The following SMG5 variants were observed in gnomAD, a reference collection of about 807,000 sequenced individuals.
SMG5 encodes nonsense-mediated mRNA decay factor SMG5.
In SMG5, 53 loss-of-function variants were observed where a neutral mutation model predicts 122.9. That is an observed-to-expected ratio of 0.43 (90% CI 0.35 to 0.54). The LOEUF is 0.54. SMG5 is among the 20% of genes least tolerant of loss of function. The pLI, the probability that SMG5 is intolerant of heterozygous loss-of-function variation, is 0.01. For synonymous variants in SMG5, 477 were observed against 490.2 expected, an observed-to-expected ratio of 0.97 and a Z score of 0.35; for missense variants, 1,153 against 1,285.6, an observed-to-expected ratio of 0.90 and a Z score of 1.58.
At chr1:156,272,629 G>A (rs1405611562) in intron 6 of SMG5, among the ~76,000 whole-genome samples, 6 of 151,904 alleles carry the variant, frequency 3.9e-5, no homozygotes, top group Non-Finnish European at 8.8e-5. Context: ...CTGGAGTGCA[G>A]TGGTGTGATC....
At chr1:156,285,988 G>C, upstream of SMG5, 1 of 1,595,336 alleles carries the variant, frequency 6.3e-7, no homozygotes, top group Non-Finnish European at 8.5e-7. Flanking sequence ...TGCTGGGTGA[G>C]CCTGTGAGAA....
chr1:156,259,552 C>T (rs1661723778), intron 15 of SMG5, among the ~76,000 whole-genome samples: 1 of 152,052 alleles, frequency 6.6e-6, no homozygotes, highest in Admixed American at 6.5e-5. Context: ...TTTTTTGAGA[C>T]AGAATCTCGC....
At chr1:156,275,857 C>T (rs193178106) in intron 4 of SMG5, among the ~76,000 whole-genome samples, 3 of 151,460 alleles carry the variant, frequency 2.0e-5, no homozygotes, top group East Asian at 1.9e-4. Context: ...TGTATTGCCC[C>T]GGCTGGAGTT....
At chr1:156,261,922 C>A (rs1054964039) in intron 13 of SMG5, among the ~76,000 whole-genome samples, 11 of 146,458 alleles carry the variant, frequency 7.5e-5, no homozygotes, top group Admixed American at 1.4e-4. Flanking sequence ...AATAGCCAGG[C>A]GTGGTGGCAT....
intron 7 of SMG5, 36 bp downstream of exon 7, chr1:156,272,284 A>G (rs1413074803): frequency 1.3e-6 from 2 of 1,556,788 alleles, no homozygotes; most frequent in South Asian, 1.2e-5. Context: ...TATGCACACA[A>G]AAGCAGGGCT....
chr1:156,249,903 G>T lies in SMG5; in HGVS notation c.*684C>A. On this transcript the variant is annotated 3_prime_UTR_variant, in exon 22 of 22. Coordinates refer to ENST00000361813, the MANE Select transcript of SMG5 (RefSeq NM_015327.3). Reference sequence around the variant, plus strand: ...GTGGGGCCTGCTCCCTGCCCTGGAAGCTAGACAGAGGGAGACACAAAGCAG... The same window carrying T: ...GTGGGGCCTGCTCCCTGCCCTGGAATCTAGACAGAGGGAGACACAAAGCAG... 2.1e-6 allele frequency: 1 copy of T among 471,246 alleles called. No homozygotes were observed. The highest frequency in any genetic ancestry group is 1.5e-5 in the South Asian group (1 of 64,574). The allele number at this position is 471,246 out of a possible 1,614,324, so 29.2% of individuals were successfully genotyped here. A position where few individuals can be genotyped will look rare whatever the true frequency, so the allele number is the denominator to read the frequency against.
Position 156,266,689 on chromosome 1 carries a change from G to T in SMG5, c.1118-11C>A, listed in dbSNP as rs905208232. 1 of 1,613,954 alleles carries T rather than the reference G, an allele frequency of 6.2e-7. No homozygotes were observed. Among genetic ancestry groups the T allele is most frequent in the Non-Finnish European group, 8.5e-7 (1 of 1,179,984 alleles). Reference sequence around the variant, plus strand: ...TGTACTGCTTGGATCCTGAAGTCAGGAAAGCCAGGCATTAGGGGCCTAGGG... The same window carrying T: ...TGTACTGCTTGGATCCTGAAGTCAGTAAAGCCAGGCATTAGGGGCCTAGGG... On this transcript the variant is annotated splice_polypyrimidine_tract_variant and intron_variant, in intron 10 of 21. Transcript: ENST00000361813.
intron 4 of SMG5, among the ~76,000 whole-genome samples, chr1:156,276,822 A>G (rs1186781357): frequency 6.6e-6 from 1 of 152,204 alleles, no homozygotes; most frequent in African/African-American, 2.4e-5. Flanking sequence ...TATTAATACC[A>G]CCTTCCAGTG....
upstream of SMG5, chr1:156,284,347 C>G (rs1487081148): frequency 1.3e-5 from 2 of 152,320 alleles, no homozygotes; most frequent in African/African-American, 4.8e-5. Context: ...GGTAGCTGGG[C>G]AGCTCCTTCC....
At position 156,282,631 on chromosome 1, in the gene SMG5, A is replaced by T; in HGVS notation, c.50T>A (p.Val17Asp). The change falls in exon 1 of 22, where the codon GTC becomes GAC. Residue 17 changes from valine to aspartate, a missense_variant. Around this residue, in one of 5 missense-constraint regions of SMG5, gnomAD observed 213 missense variants for 197.5 expected, o/e 1.08. Coordinates refer to ENST00000361813, the MANE Select transcript of SMG5 (RefSeq NM_015327.3). ...TGESSEPEAK[V>D]LHTKRLYRAV... ...CCGGTAAAGCCGCTTAGTGTGGAGG[A>T]CTTTTGCTTCGGGCTCGCTGCTCTC... is the stretch of plus-strand genomic sequence containing the variant. 1 of 1,608,764 alleles carries T rather than the reference A, an allele frequency of 6.2e-7. No homozygotes were observed.
intron 20 of SMG5, 93 bp from the exon 21 acceptor site, chr1:156,251,089 G>A (rs1661326307): frequency 1.3e-6 from 2 of 1,516,986 alleles, no homozygotes; most frequent in African/African-American, 1.4e-5. Flanking sequence ...GCAGCTGGGG[G>A]CTGGGAGGGC....
rs1451925513 is a variant in SMG5, at chr1:156,252,902, C to T, written c.2662+17G>A. The T allele has an allele frequency of 3.8e-6, 6 of 1,560,148 alleles. No homozygotes were observed. Among genetic ancestry groups the T allele is most frequent in the East Asian group, 4.5e-5 (2 of 44,096 alleles). On this transcript the variant is annotated intron_variant, in intron 18 of 21. Coordinates refer to ENST00000361813, the MANE Select transcript of SMG5 (RefSeq NM_015327.3). ...TTTTAGTCATACTCTGTCTCCTTAC[C>T]TCTCCAATGTACTTACCTGTCCTTG...
chr1:156,250,878 C>T lies in SMG5; in HGVS notation c.2947G>A (p.Val983Met), dbSNP rs755380356. 20 of 1,613,820 alleles carry T rather than the reference C, an allele frequency of 1.2e-5. No homozygotes were observed. The highest frequency in any genetic ancestry group is 1.4e-5 in the Non-Finnish European group (17 of 1,179,890). The change falls in exon 21 of 22, where the codon GTG becomes ATG. Residue 983 changes from valine (V) to methionine (M), a missense_variant. This residue lies in a region of SMG5 where 84 missense variants were observed against 82.3 expected (regional missense o/e 1.02). Coordinates refer to ENST00000361813, the MANE Select transcript of SMG5 (RefSeq NM_015327.3). ...ITGLPLDNPSVLSGPMQAALQ... is the reference protein window; with the variant it reads ...ITGLPLDNPSMLSGPMQAALQ... ...CCCACCTGCATGGGGCCTGAAAGCACGCTGGGGTTGTCCAGTGGAAGGCCT... is the reference window on the plus strand; with the variant it reads ...CCCACCTGCATGGGGCCTGAAAGCATGCTGGGGTTGTCCAGTGGAAGGCCT...
At chr1:156,276,210 T>G (rs1483768793) in intron 4 of SMG5, among the ~76,000 whole-genome samples, 1 of 145,844 alleles carries the variant, frequency 6.9e-6, no homozygotes, top group Non-Finnish European at 1.5e-5. Flanking sequence ...CACTGCAACC[T>G]CCACCTGCCG....
intron 16 of SMG5, among the ~76,000 whole-genome samples, chr1:156,258,347 C>A (rs1347778660): frequency 1.3e-5 from 2 of 152,244 alleles, no homozygotes; most frequent in African/African-American, 4.8e-5. Flanking sequence ...TCAAAAAACT[C>A]CATAAAGTGG....
intron 1 of SMG5, among the ~76,000 whole-genome samples, chr1:156,280,862 CG>C (rs1662905702): frequency 6.6e-6 from 1 of 152,158 alleles, no homozygotes; most frequent in Non-Finnish European, 1.5e-5. Flanking sequence ...ATTGTACTCT[CG>C]GGCCTAGCAA....
chr1:156,265,882 G>C lies in SMG5; in HGVS notation c.1754C>G (p.Pro585Arg). ...FQTKRCFRLA[P>R]TFSNLLLQPT... ...CTGGAGGAGCAGGTTGCTAAAGGTGGGGGCCAGTCGGAAGCAGCGCTTAGT... is the reference window on the plus strand; with the variant it reads ...CTGGAGGAGCAGGTTGCTAAAGGTGCGGGCCAGTCGGAAGCAGCGCTTAGT... The change falls in exon 12 of 22, where the codon CCC becomes CGC. Residue 585 changes from proline (P) to arginine (R), a missense_variant. By Grantham distance (103) the Pro-to-Arg change is moderately radical (BLOSUM62 -2). Coordinates refer to ENST00000361813, the MANE Select transcript of SMG5 (RefSeq NM_015327.3). 1 of 1,614,194 alleles carries C rather than the reference G, an allele frequency of 6.2e-7. No individual in the cohort carries two copies. The highest frequency in any genetic ancestry group is 8.5e-7 in the Non-Finnish European group (1 of 1,180,028).
chr1:156,250,844 C>T lies in SMG5; in HGVS notation c.2967+14G>A, dbSNP rs758572349. On this transcript the variant is annotated intron_variant, in intron 21 of 21. Coordinates refer to ENST00000361813, the MANE Select transcript of SMG5 (RefSeq NM_015327.3). ...CCTATTCCACACCATCCCCCCACCT[C>T]ACCCATGACCCACCTGCATGGGGCC... 1.2e-6 allele frequency: 2 copies of T among 1,613,440 alleles called. No individual in the cohort carries two copies. The highest frequency in any genetic ancestry group is 1.7e-5 in the Admixed American group (1 of 59,996).
Position 156,252,968 on chromosome 1 carries a change from G to A in SMG5, c.2613C>T (p.Ile871=), listed in dbSNP as rs1421903633. The A allele has an allele frequency of 1.5e-5, 24 of 1,612,968 alleles. 1 individual carries two copies. Among genetic ancestry groups the A allele is most frequent in the Non-Finnish European group, 2.0e-5 (24 of 1,179,648 alleles). The change falls in exon 18 of 22, where the codon ATC becomes ATT. Residue 871 remains isoleucine (I), a synonymous_variant. Coordinates refer to ENST00000361813, the MANE Select transcript of SMG5 (RefSeq NM_015327.3). ...AGCGGCCACTGGTGGCCAGTTGGCG[G>A]ATGACAGGGAGATGGTGGCAGAGGG... ...TQALCHHLPV[I]RQLATSGRFI...
Sources: gnomAD v4.1 joint callset for allele counts (sites outside exome capture counted in the v4.1 genomes callset) on GRCh38, gnomAD v4.1.1 for gene constraint, gnomAD v4.1.1 regional missense constraint, MANE v1.5 for transcripts, NCBI Gene and HGNC (gene_info 2026-07-23, HGNC 2026-07-21) for gene names.